LRRC57: variants seen among roughly 807,000 people sequenced by gnomAD.
LRRC57 encodes leucine-rich repeat-containing protein 57.
Under a neutral mutation model 23.1 loss-of-function variants are expected in LRRC57, and 14 were observed. The observed-to-expected ratio is 0.61, with a 90% CI of 0.40 to 0.95. LRRC57 has a LOEUF of 0.95. Among genes scored for constraint, LRRC57 ranks in the 40% least tolerant of loss-of-function variants. The probability of loss-of-function intolerance (pLI) is 0.00; values close to 1 mark genes in which losing one functional copy is unlikely to be tolerated. For missense variants in LRRC57, 236 were observed against 284.4 expected (o/e 0.83, Z 1.22); for synonymous variants, 106 against 115.2 (o/e 0.92, Z 0.51).
At chr15:42,537,248 C>CACACACACACAT (rs1555381681), downstream of LRRC57, among the ~76,000 whole-genome samples, 1 of 149,546 alleles carries the variant, frequency 6.7e-6, no homozygotes, top group African/African-American at 2.5e-5. Flanking sequence ...CACACACACA[C>CACACACACACAT]ACACACACAC....
the LRRC57 span, chr15:42,532,570 T>A: frequency 9.2e-5 from 14 of 152,672 alleles, no homozygotes; most frequent in African/African-American, 3.4e-4. Context: ...TTGTCATTAG[T>A]CTTTGAAGAA....
At chr15:42,536,837 A>C (rs1390426511), downstream of LRRC57, among the ~76,000 whole-genome samples, 1 of 152,216 alleles carries the variant, frequency 6.6e-6, no homozygotes, top group African/African-American at 2.4e-5. Context: ...CCTTGAGCAT[A>C]ATACTGACCT....
chr15:42,548,544 G>C, intron 1 of LRRC57, 88 bp from the exon 2 acceptor site: 1 of 1,062,548 alleles, frequency 9.4e-7, no homozygotes, highest in Non-Finnish European at 1.4e-6. Flanking sequence ...AACTCCCGCC[G>C]ATCCCTGGCT....
chr15:42,540,825 C>G lies in LRRC57; in HGVS notation c.*3258G>C, dbSNP rs1022365472. 6.6e-6 allele frequency: 1 copy of G among 152,044 alleles called. No homozygotes were observed. Among genetic ancestry groups the G allele is most frequent in the African/African-American group, 2.4e-5 (1 of 41,384 alleles). 9.4% of individuals were successfully genotyped at this position (152,044 alleles called of 1,614,324 possible). A position where few individuals can be genotyped will look rare whatever the true frequency, so the allele number is the denominator to read the frequency against. ...GGTGGATCACCTGAGGTCAGGAGTT[C>G]GAGACTAGCCTGGCCAACATGGTGA... On this transcript the variant is annotated 3_prime_UTR_variant, in exon 6 of 6. Transcript: ENST00000397130.
downstream of LRRC57, among the ~76,000 whole-genome samples, chr15:42,537,229 T>TCACACACA (rs1445243515): frequency 6.4e-5 from 7 of 108,992 alleles, no homozygotes; most frequent in Non-Finnish European, 9.0e-5. Flanking sequence ...TCTCTCTCTC[T>TCACACACA]CTCTCACACA....
chr15:42,537,471 CAA>C (rs2057606686), downstream of LRRC57, among the ~76,000 whole-genome samples: 1 of 152,026 alleles, frequency 6.6e-6, no homozygotes, highest in Non-Finnish European at 1.5e-5. Context: ...CTATGGAAAA[CAA>C]ATATGGAGAT....
chr15:42,529,660 G>A, the LRRC57 span: 7 of 1,610,506 alleles, frequency 4.3e-6, no homozygotes, highest in African/African-American at 2.7e-5. Context: ...GGAATTAACT[G>A]TCTTCTTGTG....
rs1566827485 is a variant in LRRC57, at chr15:42,548,564, C to T, written c.-22-108G>A. 4 of 856,468 alleles carry T rather than the reference C, an allele frequency of 4.7e-6. No homozygotes were observed. The African/African-American group carries it at 5.1e-5, about 11-fold the overall frequency. 53.1% of individuals were successfully genotyped at this position (856,468 alleles called of 1,614,324 possible). On this transcript the variant is annotated intron_variant, in intron 1 of 5. Transcript: ENST00000397130. Reference sequence around the variant, plus strand: ...CCGCCGATCCCTGGCTCCTGGGGCCCGACCCAAGAGCGACAAGGAAGAAAC... The same window carrying T: ...CCGCCGATCCCTGGCTCCTGGGGCCTGACCCAAGAGCGACAAGGAAGAAAC...
rs2057640058 is a variant in LRRC57, at chr15:42,543,230, C to T, written c.*853G>A. On this transcript the variant is annotated 3_prime_UTR_variant, in exon 6 of 6. Coordinates refer to ENST00000397130, the MANE Select transcript of LRRC57 (RefSeq NM_153260.3). ...ATTTTTTTAATTTGAGACAGAGTCT[C>T]ACTCTGTCACCCACGCTGGAGTACA... 6.7e-6 allele frequency: 1 copy of T among 150,234 alleles called. No homozygotes were observed. Among genetic ancestry groups the T allele is most frequent in the Non-Finnish European group, 1.5e-5 (1 of 67,734 alleles). The allele number at this position is 150,234 out of a possible 1,614,324, so 9.3% of individuals were successfully genotyped here.
downstream of LRRC57, chr15:42,533,158 G>A (rs1227900155): frequency 6.6e-6 from 1 of 152,210 alleles, no homozygotes; most frequent in African/African-American, 2.4e-5. Context: ...ATAAAGCAAA[G>A]ATCCATACAT....
In LRRC57 at chr15:42,548,766, G is replaced by A. The variant is rs1303756771; in HGVS notation, c.-96C>T. ...CCGCAGTAGCCGGGATGCGCTCCCC[G>A]GCTTAGTCCCGGGCGGGAACGCCCT... On this transcript the variant is annotated 5_prime_UTR_variant, in exon 1 of 6. Coordinates refer to ENST00000397130, the MANE Select transcript of LRRC57 (RefSeq NM_153260.3). The A allele has an allele frequency of 8.7e-6, 7 of 804,068 alleles. No individual in the cohort carries two copies. Among genetic ancestry groups the A allele is most frequent in the African/African-American group, 3.4e-5 (2 of 57,988 alleles). 49.8% of individuals were successfully genotyped at this position (804,068 alleles called of 1,614,324 possible).
At chr15:42,544,494 A>AGGCAGGCAAG (rs1273294522) in intron 5 of LRRC57, among the ~76,000 whole-genome samples, 1 of 151,776 alleles carries the variant, frequency 6.6e-6, no homozygotes, top group Non-Finnish European at 1.5e-5. Context: ...GCCAGGTGAC[A>AGGCAGGCAAG]GAGTGAGACC....
At position 42,541,301 on chromosome 15, in the gene LRRC57, C is replaced by G. The variant is rs953805383; in HGVS notation, c.*2782G>C. The G allele has an allele frequency of 1.3e-5, 2 of 152,104 alleles. No individual in the cohort carries two copies. Among genetic ancestry groups the G allele is most frequent in the African/African-American group, 4.8e-5 (2 of 41,398 alleles). The allele number at this position is 152,104 out of a possible 1,614,324, so 9.4% of individuals were successfully genotyped here. Reference sequence around the variant, plus strand: ...GGTGGATCACCTGAAGCCAGGAGTTCAAGACCAGTCTGGCCAACACGGTGA... The same window carrying G: ...GGTGGATCACCTGAAGCCAGGAGTTGAAGACCAGTCTGGCCAACACGGTGA... On this transcript the variant is annotated 3_prime_UTR_variant, in exon 6 of 6. Transcript: ENST00000397130.
At chr15:42,528,435 C>T in the LRRC57 span, 6 of 1,613,196 alleles carry the variant, frequency 3.7e-6, no homozygotes, top group South Asian at 1.1e-5. Flanking sequence ...GCCAACTCCT[C>T]CTGATATTCC....
downstream of LRRC57, among the ~76,000 whole-genome samples, chr15:42,534,220 T>A (rs530869404): frequency 6.6e-6 from 1 of 152,314 alleles, no homozygotes; most frequent in South Asian, 2.1e-4. Flanking sequence ...AACCTCCACC[T>A]CTCGGGTTCA....
chr15:42,536,710 T>C (rs1355463167), downstream of LRRC57, among the ~76,000 whole-genome samples: 1 of 152,218 alleles, frequency 6.6e-6, no homozygotes, highest in African/African-American at 2.4e-5. Flanking sequence ...TTTTCTCCCA[T>C]AACATTGTCT....
chr15:42,529,267 C>T, the LRRC57 span, among the ~76,000 whole-genome samples: 9 of 152,292 alleles, frequency 5.9e-5, no homozygotes, highest in Non-Finnish European at 1.3e-4. Context: ...TCTCTTAGGG[C>T]AGTGCTTCTT....
rs2057639852 is a variant in LRRC57, at chr15:42,543,201, T to C, written c.*882A>G. ...CGTACTTTAAAAAAAAAAAATTATT[T>C]TTTATTTTTTTAATTTGAGACAGAG... On this transcript the variant is annotated 3_prime_UTR_variant, in exon 6 of 6. Coordinates refer to ENST00000397130, the MANE Select transcript of LRRC57 (RefSeq NM_153260.3). The C allele has an allele frequency of 6.6e-6, 1 of 150,404 alleles. No individual in the cohort carries two copies. The highest frequency in any genetic ancestry group is 1.5e-5 in the Non-Finnish European group (1 of 67,770). The allele number at this position is 150,404 out of a possible 1,614,324, so 9.3% of individuals were successfully genotyped here.
chr15:42,528,817 C>T, the LRRC57 span, among the ~76,000 whole-genome samples: 1 of 152,158 alleles, frequency 6.6e-6, no homozygotes, highest in Non-Finnish European at 1.5e-5. Flanking sequence ...GACTCCTGAC[C>T]TCAGGTGATC....
Sources: gnomAD v4.1 joint callset for allele counts (sites outside exome capture counted in the v4.1 genomes callset) on GRCh38, gnomAD v4.1.1 for gene constraint, MANE v1.5 for transcripts, NCBI Gene and HGNC (gene_info 2026-07-23, HGNC 2026-07-21) for gene names.